Variants in EFHB observed in about 807,000 individuals in gnomAD.
EFHB encodes the protein EF-hand domain-containing family member B.
In EFHB, 91 loss-of-function variants were observed where a neutral mutation model predicts 87.2. The observed-to-expected ratio is 1.04, with a 90% CI of 0.88 to 1.24. The LOEUF (loss-of-function observed/expected upper bound fraction) is 1.24. EFHB is among the 50% of genes most tolerant of loss of function. The pLI is 0.00. For synonymous variants in EFHB, 325 were observed against 333.6 expected, an observed-to-expected ratio of 0.97 and a Z score of 0.28; for missense variants, 1,084 against 998.8, an observed-to-expected ratio of 1.09 and a Z score of -1.15.
chr3:19,915,835 T>G (rs1025666381), intron 4 of EFHB, among the ~76,000 whole-genome samples: 6 of 151,476 alleles, frequency 4.0e-5, no homozygotes, highest in Non-Finnish European at 8.8e-5. Flanking sequence ...TAGCCAGGTG[T>G]GGAAGCACGT....
intron 1 of EFHB, among the ~76,000 whole-genome samples, chr3:19,921,563 G>A (rs1695437292): frequency 6.6e-6 from 1 of 152,070 alleles, no homozygotes; most frequent in African/African-American, 2.4e-5. Context: ...GGAGTCCAAG[G>A]TCTAGCAACA....
Position 19,885,221 on chromosome 3 carries a change from TCA to T in EFHB, c.1934-608_1934-607del, listed in dbSNP as rs1491392746. On this transcript the variant is annotated intron_variant, in intron 10 of 12. Coordinates refer to ENST00000295824, the MANE Select transcript of EFHB (RefSeq NM_144715.4). ...TGGAGGAAAACAGTGAGACTTCGTC[TCA>T]AAAAAAAAAAAAAAGCGTATTTTAA... 5.3e-3 allele frequency among the ~76,000 whole-genome samples: 639 copies of T among 119,786 alleles called. 12 individuals carry two copies. Among genetic ancestry groups the T allele is most frequent in the African/African-American group, 0.019 (591 of 30,942 alleles). 78.6% of individuals were successfully genotyped at this position (119,786 alleles called of 152,430 possible).
rs1695885429 is a variant in EFHB, at chr3:19,933,132, T to C, written c.789+98A>G. 3 of 1,372,236 alleles carry C rather than the reference T, an allele frequency of 2.2e-6. No homozygotes were observed. The Admixed American group carries it at 8.5e-5, about 39-fold the overall frequency. 85.0% of individuals were successfully genotyped at this position (1,372,236 alleles called of 1,614,324 possible). On this transcript the variant is annotated intron_variant, in intron 1 of 12. Transcript: ENST00000295824. Reference sequence around the variant, plus strand: ...GGAATCTCATAAAATCCTTGTGATTTGTCTCTTCAAACCAAAACAAATTTT... The same window carrying C: ...GGAATCTCATAAAATCCTTGTGATTCGTCTCTTCAAACCAAAACAAATTTT...
intron 9 of EFHB, among the ~76,000 whole-genome samples, chr3:19,889,292 A>AT (rs1277558776): frequency 3.3e-5 from 5 of 152,214 alleles, no homozygotes; most frequent in Admixed American, 1.3e-4. Flanking sequence ...AATGTTCGTT[A>AT]AGGAAGAATG....
intron 6 of EFHB, among the ~76,000 whole-genome samples, chr3:19,904,330 T>A (rs752846673): frequency 4.6e-5 from 7 of 152,192 alleles, no homozygotes; most frequent in Non-Finnish European, 8.8e-5. Flanking sequence ...TAAGGCCACA[T>A]TTCCTCTAAC....
intron 1 of EFHB, among the ~76,000 whole-genome samples, chr3:19,931,612 T>C (rs1695834678): frequency 6.6e-6 from 1 of 152,236 alleles, no homozygotes; most frequent in African/African-American, 2.4e-5. Context: ...CTGAGTTTTA[T>C]TTTCAAATTT....
intron 10 of EFHB, among the ~76,000 whole-genome samples, chr3:19,886,680 A>G (rs1378595753): frequency 1.1e-5 from 1 of 91,024 alleles, no homozygotes; most frequent in African/African-American, 1.2e-4. Context: ...CTGTCTCAAA[A>G]AAAAAAAAAA....
intron 9 of EFHB, 31 bp downstream of exon 9, chr3:19,896,656 C>T: frequency 1.9e-6 from 3 of 1,613,846 alleles, no homozygotes; most frequent in Non-Finnish European, 2.5e-6. Flanking sequence ...TAAGCCCATG[C>T]ATTACCAAAA....
rs764360070 is a variant in EFHB at position 19,905,603 on chromosome 3, A to C, written c.1418+17T>G. 82 of 1,610,926 alleles carry C rather than the reference A, an allele frequency of 5.1e-5. No individual in the cohort carries two copies. Among genetic ancestry groups the C allele is most frequent in the Non-Finnish European group, 6.8e-5 (80 of 1,178,114 alleles). On this transcript the variant is annotated intron_variant, in intron 6 of 12. Transcript: ENST00000295824. ...ATGTCTAACACTTGTTCCTGGGCAC[A>C]GTATAATTAAACTTACATTTGTAGT...
intron 6 of EFHB, among the ~76,000 whole-genome samples, chr3:19,900,728 A>G (rs558598146): frequency 3.3e-5 from 5 of 152,282 alleles, no homozygotes; most frequent in African/African-American, 1.2e-4. Flanking sequence ...CAGGAGTTCA[A>G]GACCAGCCTG....
At chr3:19,939,685 T>C (rs1460505184) in intron 1 of EFHB, among the ~76,000 whole-genome samples, 1 of 151,830 alleles carries the variant, frequency 6.6e-6, no homozygotes, top group Non-Finnish European at 1.5e-5. Context: ...CACCCGCCCA[T>C]GGGTCTCCCT....
At chr3:19,922,239 T>C (rs1280836450) in intron 1 of EFHB, among the ~76,000 whole-genome samples, 1 of 152,230 alleles carries the variant, frequency 6.6e-6, no homozygotes, top group African/African-American at 2.4e-5. Flanking sequence ...GCATATGGAT[T>C]ATTCTGAGCT....
intron 3 of EFHB, among the ~76,000 whole-genome samples, chr3:19,918,694 G>A (rs544990067): frequency 1.3e-3 from 204 of 152,138 alleles, no homozygotes; most frequent in African/African-American, 4.8e-3. Context: ...GAAAAGTGGT[G>A]CCAGGTGTAG....
intron 10 of EFHB, among the ~76,000 whole-genome samples, chr3:19,885,020 G>A (rs902398252): frequency 6.6e-5 from 10 of 151,514 alleles, no homozygotes; most frequent in Admixed American, 6.6e-4. Context: ...TCAGGAGTTC[G>A]AGACCAGCCT....
chr3:19,910,039 GCTACAGAGCAAAACT>G (rs1695002130), intron 5 of EFHB, among the ~76,000 whole-genome samples: 1 of 151,872 alleles, frequency 6.6e-6, no homozygotes, highest in Non-Finnish European at 1.5e-5. Context: ...AGCTGTGGTA[GCTACAGAGCAAAACT>G]CCTTCTGCTT....
rs913870964 is a variant in EFHB, at chr3:19,920,646, G to T, written c.790-79C>A. The T allele has an allele frequency of 7.8e-6, 9 of 1,155,584 alleles. No homozygotes were observed. The African/African-American group carries it at 1.3e-4, about 16-fold the overall frequency. The allele number at this position is 1,155,584 out of a possible 1,614,324, so 71.6% of individuals were successfully genotyped here. On this transcript the variant is annotated intron_variant, in intron 1 of 12. Coordinates refer to ENST00000295824, the MANE Select transcript of EFHB (RefSeq NM_144715.4). ...GAAGAATGAAATTTATTTCAAACTT[G>T]TCCTATGCCTCTGAGGCTACAAAGT...
At chr3:19,882,195 A>G (rs1001410376) in intron 12 of EFHB, among the ~76,000 whole-genome samples, 4 of 152,188 alleles carry the variant, frequency 2.6e-5, no homozygotes, top group Non-Finnish European at 5.9e-5. Context: ...GACCATCCTC[A>G]TGCCCACTCT....
intron 6 of EFHB, among the ~76,000 whole-genome samples, chr3:19,902,415 C>T (rs1694702706): frequency 6.6e-6 from 1 of 152,170 alleles, no homozygotes; most frequent in African/African-American, 2.4e-5. Flanking sequence ...AGTGCAATGG[C>T]GCCATCTCAG....
intron 4 of EFHB, among the ~76,000 whole-genome samples, chr3:19,916,195 A>G (rs1034347868): frequency 6.6e-6 from 1 of 152,136 alleles, no homozygotes; most frequent in Non-Finnish European, 1.5e-5. Flanking sequence ...ATGGAAGCAT[A>G]CACCCTGTGT....
Sources: allele counts gnomAD v4.1 joint callset (sites outside exome capture counted in the v4.1 genomes callset), GRCh38; gene constraint gnomAD v4.1.1; transcripts MANE v1.5; gene names NCBI Gene and HGNC (gene_info 2026-07-23, HGNC 2026-07-21).